The following CCDC171 variants were observed in gnomAD, a reference collection of about 807,000 sequenced individuals.
The protein encoded by CCDC171 is coiled-coil domain-containing protein 171.
Under a neutral mutation model 168.2 loss-of-function variants are expected in CCDC171, and 177 were observed. The observed-to-expected ratio is 1.05, with a 90% confidence interval of 0.93 to 1.19. The LOEUF (loss-of-function observed/expected upper bound fraction) is 1.19, where lower values mean the gene tolerates loss of function less well. Among genes scored for constraint, CCDC171 ranks in the 50% most tolerant of loss-of-function variants. The pLI is 0.00. For missense variants in CCDC171, 1,991 were observed against 1,539.0 expected (o/e 1.29, Z -4.91); for synonymous variants, 687 against 540.8 (o/e 1.27, Z -3.75).
chr9:15,996,650 A>G (rs985912698), intron 3 of CCDC171, among the ~76,000 whole-genome samples: 5 of 152,116 alleles, frequency 3.3e-5, no homozygotes, highest in African/African-American at 1.2e-4. Context: ...AGCAGGTTGT[A>G]TAACAATGTT....
intron 18 of CCDC171, among the ~76,000 whole-genome samples, chr9:15,756,594 C>A (rs2056132074): frequency 6.6e-6 from 1 of 152,150 alleles, no homozygotes; most frequent in Admixed American, 6.5e-5. Context: ...TCCATGTATA[C>A]CCAATGCTTA....
intron 7 of CCDC171, among the ~76,000 whole-genome samples, chr9:15,627,547 C>G (rs141533878): frequency 6.6e-6 from 1 of 152,282 alleles, no homozygotes; most frequent in African/African-American, 2.4e-5. Flanking sequence ...CAAAGAACAT[C>G]TTTATTTCTG....
intron 25 of CCDC171, among the ~76,000 whole-genome samples, chr9:15,923,088 G>A (rs1825529352): frequency 6.6e-6 from 1 of 151,112 alleles, no homozygotes; most frequent in African/African-American, 2.4e-5. Flanking sequence ...TCTGTTTTTG[G>A]TTGTATTGCA....
chr9:15,911,550 A>G (rs1032454905), intron 24 of CCDC171, among the ~76,000 whole-genome samples: 1 of 152,166 alleles, frequency 6.6e-6, no homozygotes, highest in South Asian at 2.1e-4. Flanking sequence ...CTTTAGTTTA[A>G]TTAGACCCCA....
chr9:15,824,022 C>G (rs2059908288), intron 21 of CCDC171, among the ~76,000 whole-genome samples: 1 of 151,974 alleles, frequency 6.6e-6, no homozygotes, highest in Non-Finnish European at 1.5e-5. Context: ...CCCTATCAAG[C>G]CAGTTAGTCA....
chr9:16,052,878 G>A (rs779771923), intron 1 of CCDC171, among the ~76,000 whole-genome samples: 4 of 148,404 alleles, frequency 2.7e-5, no homozygotes, highest in Non-Finnish European at 4.4e-5. Flanking sequence ...CTTTTCAAAC[G>A]GAATGTGAGT....
intron 18 of CCDC171, among the ~76,000 whole-genome samples, chr9:15,772,507 C>T (rs2057068000): frequency 1.3e-5 from 2 of 152,140 alleles, no homozygotes; most frequent in South Asian, 4.1e-4. Flanking sequence ...GGAACACAAG[C>T]ATAATTTTTA....
At chr9:15,730,576 T>C (rs2054090861) in intron 16 of CCDC171, among the ~76,000 whole-genome samples, 1 of 151,850 alleles carries the variant, frequency 6.6e-6, no homozygotes, top group Non-Finnish European at 1.5e-5. Context: ...TTAGCCTCTT[T>C]ATTTGATCCA....
intron 24 of CCDC171, among the ~76,000 whole-genome samples, chr9:15,914,318 C>T (rs2131886925): frequency 6.6e-6 from 1 of 152,304 alleles, no homozygotes; most frequent in South Asian, 2.1e-4. Context: ...ACTGGGGCTG[C>T]TGCCTTTCTT....
chr9:15,664,172 T>C (rs1298196251), intron 8 of CCDC171, among the ~76,000 whole-genome samples: 1 of 152,184 alleles, frequency 6.6e-6, no homozygotes, highest in Non-Finnish European at 1.5e-5. Context: ...GTGTAAACTA[T>C]TGGGTGTTGG....
intron 5 of CCDC171, among the ~76,000 whole-genome samples, chr9:15,592,373 A>T (rs2042066009): frequency 6.6e-6 from 1 of 152,050 alleles, no homozygotes; most frequent in Non-Finnish European, 1.5e-5. Flanking sequence ...AACAAAGAAA[A>T]AAAAACGGTG....
At chr9:15,888,529 C>G (rs1589003442) in intron 24 of CCDC171, among the ~76,000 whole-genome samples, 2 of 152,246 alleles carry the variant, frequency 1.3e-5, no homozygotes, top group East Asian at 3.9e-4. Context: ...GGAAAGATTT[C>G]AAATTCCAGG....
intron 21 of CCDC171, among the ~76,000 whole-genome samples, chr9:15,812,026 A>C (rs2059378390): frequency 6.6e-6 from 1 of 152,204 alleles, no homozygotes; most frequent in Non-Finnish European, 1.5e-5. Flanking sequence ...GTCTAGGGGA[A>C]ATGGTTGGAA....
intron 21 of CCDC171, among the ~76,000 whole-genome samples, chr9:15,833,437 A>T (rs1247424180): frequency 5.9e-5 from 9 of 152,182 alleles, no homozygotes; most frequent in Admixed American, 5.9e-4. Context: ...AATGATATTC[A>T]TTTATGTTGT....
intron 6 of CCDC171, among the ~76,000 whole-genome samples, chr9:16,033,831 T>C (rs1482484130): frequency 6.6e-6 from 1 of 152,050 alleles, no homozygotes; most frequent in African/African-American, 2.4e-5. Flanking sequence ...CTCAGGAAAT[T>C]GTCTAGGTTC....
intron 21 of CCDC171, among the ~76,000 whole-genome samples, chr9:15,793,883 T>C (rs1320062701): frequency 1.3e-5 from 2 of 152,252 alleles, no homozygotes; most frequent in African/African-American, 4.8e-5. Flanking sequence ...TTGTCATTTC[T>C]AATATTTTAT....
intron 1 of CCDC171, among the ~76,000 whole-genome samples, chr9:16,052,790 A>G (rs1439736553): frequency 8.0e-6 from 1 of 125,572 alleles, no homozygotes; most frequent in Non-Finnish European, 1.7e-5. Context: ...TTCCTCCCCC[A>G]ACCCACCGCC....
intron 4 of CCDC171, among the ~76,000 whole-genome samples, chr9:15,584,056 A>G (rs983990517): frequency 6.6e-6 from 1 of 152,018 alleles, no homozygotes; most frequent in Non-Finnish European, 1.5e-5. Flanking sequence ...TTTAGTAGAG[A>G]CGGGGTTTCA....
intron 25 of CCDC171, among the ~76,000 whole-genome samples, chr9:15,941,120 C>T (rs1827674837): frequency 6.6e-6 from 1 of 151,936 alleles, no homozygotes; most frequent in Admixed American, 6.6e-5. Flanking sequence ...GTTACCTCAC[C>T]CAGCCGGCAG....
Sources: allele counts gnomAD v4.1 joint callset (sites outside exome capture counted in the v4.1 genomes callset), GRCh38; gene constraint gnomAD v4.1.1; transcripts MANE v1.5; gene names NCBI Gene and HGNC (gene_info 2026-07-23, HGNC 2026-07-21).